The following FRMD3 variants were observed in gnomAD, a reference collection of about 807,000 sequenced individuals.
FRMD3 encodes the protein FERM domain containing 3, also known as FERM domain-containing protein 3.
Under a neutral mutation model 70.2 loss-of-function variants are expected in FRMD3, and 33 were observed. That is an observed-to-expected ratio of 0.47 (90% confidence interval 0.36 to 0.63). FRMD3 has a LOEUF of 0.63. Ranked by LOEUF, FRMD3 falls within the 20% of genes least tolerant of loss-of-function variation. The pLI, the probability that FRMD3 is intolerant of heterozygous loss-of-function variation, is 0.00. For missense variants in FRMD3, 632 were observed against 711.4 expected (o/e 0.89, Z 1.27); for synonymous variants, 279 against 255.9 (o/e 1.09, Z -0.86).
intron 1 of FRMD3, among the ~76,000 whole-genome samples, chr9:83,417,815 G>T (rs145440931): frequency 6.8e-4 from 104 of 152,258 alleles, no homozygotes; most frequent in African/African-American, 2.4e-3. Context: ...AAGACATATA[G>T]AAAACCAAGG....
intron 1 of FRMD3, among the ~76,000 whole-genome samples, chr9:83,530,335 C>T (rs758815685): frequency 2.0e-5 from 3 of 152,192 alleles, no homozygotes; most frequent in Non-Finnish European, 2.9e-5. Context: ...ACCCATGCTA[C>T]AATATGGATA....
At chr9:83,494,209 C>T (rs11140121) in intron 1 of FRMD3, among the ~76,000 whole-genome samples, 1 of 152,030 alleles carries the variant, frequency 6.6e-6, no homozygotes, top group Non-Finnish European at 1.5e-5. Context: ...CGTGGGAGAA[C>T]GGATGAGATG....
At chr9:83,299,210 G>A (rs1834800954) in intron 10 of FRMD3, 24 bp from the exon 11 acceptor site, 15 of 1,549,558 alleles carry the variant, frequency 9.7e-6, no homozygotes, top group Non-Finnish European at 1.2e-5. Context: ...CAAAGCACAG[G>A]TGGTTAGGAC....
intron 1 of FRMD3, among the ~76,000 whole-genome samples, chr9:83,499,856 C>T (rs2131510695): frequency 6.6e-6 from 1 of 152,212 alleles, no homozygotes; most frequent in Non-Finnish European, 1.5e-5. Flanking sequence ...TGAAGCTGTC[C>T]TTTAATAGGT....
rs75884545 is a variant in FRMD3 at position 83,435,842 on chromosome 9, A to C, written c.148-46134T>G. Among the ~76,000 whole-genome samples, 1,046 of 152,276 alleles carry C rather than the reference A, an allele frequency of 6.9e-3. 14 individuals are homozygous for C. The highest frequency in any genetic ancestry group is 0.023 in the African/African-American group (959 of 41,548). On this transcript the variant is annotated intron_variant, in intron 1 of 13. Transcript: ENST00000304195. ...TAAATATGAGGTGGAAACCAAGAATATACCTTTTTCTATCAACCCTCTGCC... is the reference window on the plus strand; with the variant it reads ...TAAATATGAGGTGGAAACCAAGAATCTACCTTTTTCTATCAACCCTCTGCC...
intron 5 of FRMD3, among the ~76,000 whole-genome samples, chr9:83,339,492 T>C (rs1823686990): frequency 6.6e-6 from 1 of 151,948 alleles, no homozygotes; most frequent in Non-Finnish European, 1.5e-5. Context: ...ATCCAATGAG[T>C]TTGAAGTGAA....
intron 1 of FRMD3, among the ~76,000 whole-genome samples, chr9:83,405,910 C>T (rs979943424): frequency 2.0e-5 from 3 of 152,086 alleles, no homozygotes; most frequent in Non-Finnish European, 2.9e-5. Flanking sequence ...TCCGTCCTGA[C>T]GAAAATTCTG....
At chr9:83,481,976 A>T (rs916235461) in intron 1 of FRMD3, among the ~76,000 whole-genome samples, 5 of 149,342 alleles carry the variant, frequency 3.3e-5, no homozygotes, top group Non-Finnish European at 5.9e-5. Context: ...AAAAAAAAAA[A>T]CAGCAACAAC....
rs1828083526 is a variant in FRMD3, at chr9:83,465,003, G to A, written c.147+73082C>T. ...CCACTGCACTCCAGCCTGGGTAACA[G>A]AGAGAAACTCTGTCTCAAAAAGAAA... On this transcript the variant is annotated intron_variant, in intron 1 of 13. Coordinates refer to ENST00000304195, the MANE Select transcript of FRMD3 (RefSeq NM_174938.6). 2.2e-5 allele frequency among the ~76,000 whole-genome samples: 3 copies of A among 138,604 alleles called. No individual in the cohort carries two copies. In the South Asian group the frequency reaches 7.1e-4, roughly 33 times the overall value. 90.9% of individuals were successfully genotyped at this position (138,604 alleles called of 152,430 possible).
intron 13 of FRMD3, among the ~76,000 whole-genome samples, chr9:83,290,370 T>C (rs1834370358): frequency 6.6e-6 from 1 of 152,048 alleles, no homozygotes; most frequent in Non-Finnish European, 1.5e-5. Context: ...TCTTTTCATA[T>C]ATAATTTTAG....
chr9:83,262,382 C>A (rs909654528), intron 13 of FRMD3, among the ~76,000 whole-genome samples: 8 of 152,186 alleles, frequency 5.3e-5, no homozygotes, highest in African/African-American at 1.9e-4. Context: ...TTAACTTCTG[C>A]AAACTCTGCC....
chr9:83,417,914 G>A (rs1826502546), intron 1 of FRMD3, among the ~76,000 whole-genome samples: 1 of 152,184 alleles, frequency 6.6e-6, no homozygotes. Context: ...GCATGCATTA[G>A]ATCTGGCAGT....
intron 2 of FRMD3, among the ~76,000 whole-genome samples, chr9:83,380,377 G>C (rs1205165024): frequency 6.6e-6 from 1 of 152,050 alleles, no homozygotes; most frequent in Non-Finnish European, 1.5e-5. Flanking sequence ...GGAGATGGTG[G>C]GAGGCCGATT....
At chr9:83,551,864 C>T in the FRMD3 span, among the ~76,000 whole-genome samples, 11 of 150,770 alleles carry the variant, frequency 7.3e-5, no homozygotes, top group African/African-American at 1.7e-4. Context: ...ATCTTCTCTT[C>T]GCTTCTTAAT....
At chr9:83,313,542 G>C in intron 7 of FRMD3, 118 bp downstream of exon 7, 1 of 769,008 alleles carries the variant, frequency 1.3e-6, no homozygotes, top group African/African-American at 1.7e-5. Flanking sequence ...TTCCAATGAG[G>C]GACCGTGGGC....
chr9:83,330,525 G>C (rs1836218722), intron 6 of FRMD3, among the ~76,000 whole-genome samples: 1 of 152,168 alleles, frequency 6.6e-6, no homozygotes, highest in African/African-American at 2.4e-5. Context: ...TATGGCTCCT[G>C]ATAACTTAAA....
intron 13 of FRMD3, among the ~76,000 whole-genome samples, chr9:83,251,165 C>G (rs940930018): frequency 2.6e-5 from 4 of 152,226 alleles, no homozygotes; most frequent in African/African-American, 9.6e-5. Flanking sequence ...AAGAAGCTGG[C>G]TGCCATCTTT....
intron 1 of FRMD3, among the ~76,000 whole-genome samples, chr9:83,404,264 G>C (rs1274251175): frequency 6.6e-6 from 1 of 152,190 alleles, no homozygotes; most frequent in Non-Finnish European, 1.5e-5. Flanking sequence ...CTCAAGCTGA[G>C]GGTGTTTCAT....
At chr9:83,585,073 G>A in the FRMD3 span, among the ~76,000 whole-genome samples, 9 of 152,294 alleles carry the variant, frequency 5.9e-5, no homozygotes, top group African/African-American at 1.7e-4. Context: ...GCCTCTCGGG[G>A]AGACTGGCAA....
Sources: gnomAD v4.1 joint callset for allele counts (sites outside exome capture counted in the v4.1 genomes callset) on GRCh38, gnomAD v4.1.1 for gene constraint, MANE v1.5 for transcripts, NCBI Gene and HGNC (gene_info 2026-07-23, HGNC 2026-07-21) for gene names.